The following DIP2C variants were observed in gnomAD, a reference collection of about 807,000 sequenced individuals.
DIP2C encodes the protein disco-interacting protein 2 homolog C.
A neutral mutation model predicts 192.4 loss-of-function variants in DIP2C; 33 were observed. The ratio of observed to expected loss-of-function variants is 0.17; its 90% CI spans 0.13 to 0.23. The LOEUF (loss-of-function observed/expected upper bound fraction) is 0.23, where lower values mean the gene tolerates loss of function less well. Ranked by LOEUF, DIP2C falls within the 10% of genes least tolerant of loss-of-function variation. The probability of loss-of-function intolerance (pLI) is 1.00; values close to 1 mark genes in which losing one functional copy is unlikely to be tolerated. For synonymous variants in DIP2C, 979 were observed against 864.1 expected (o/e 1.13, Z -2.33); for missense variants, 1,537 against 2,110.1 (o/e 0.73, Z 5.32).
At chr10:285,386 G>A (rs774959247) in intron 34 of DIP2C, among the ~76,000 whole-genome samples, 2 of 152,180 alleles carry the variant, frequency 1.3e-5, no homozygotes, top group Non-Finnish European at 2.9e-5. Flanking sequence ...AGGAAGGGGG[G>A]CGCCTCATGG....
intron 9 of DIP2C, among the ~76,000 whole-genome samples, chr10:407,775 G>A (rs1486587526): frequency 6.6e-6 from 1 of 151,976 alleles, no homozygotes; most frequent in Non-Finnish European, 1.5e-5. Context: ...TTTTGTTGTT[G>A]TTGCTTTTTT....
intron 2 of DIP2C, among the ~76,000 whole-genome samples, chr10:482,202 G>A (rs577244508): frequency 4.3e-4 from 65 of 152,314 alleles, no homozygotes; most frequent in Non-Finnish European, 6.8e-4. Flanking sequence ...GAGGGACAGC[G>A]GCGTGGCCAT....
At chr10:587,364 C>A (rs1048580975) in intron 1 of DIP2C, among the ~76,000 whole-genome samples, 2 of 152,224 alleles carry the variant, frequency 1.3e-5, no homozygotes, top group African/African-American at 4.8e-5. Flanking sequence ...TAACCGTGGC[C>A]ACCTCGTGGG....
At chr10:562,367 T>A (rs1849268020) in intron 1 of DIP2C, among the ~76,000 whole-genome samples, 2 of 152,238 alleles carry the variant, frequency 1.3e-5, no homozygotes, top group Admixed American at 6.5e-5. Flanking sequence ...GACCTTCTAG[T>A]GAATGAATCA....
intron 22 of DIP2C, among the ~76,000 whole-genome samples, chr10:360,053 G>A (rs1043935985): frequency 1.3e-5 from 2 of 152,204 alleles, no homozygotes; most frequent in East Asian, 3.8e-4. Flanking sequence ...TTCAGACTGG[G>A]GTAGGGAAAG....
chr10:526,000 ACCT>A (rs1847028898), intron 1 of DIP2C, among the ~76,000 whole-genome samples: 2 of 151,790 alleles, frequency 1.3e-5, no homozygotes, highest in African/African-American at 4.8e-5. Context: ...CCCGCACACC[ACCT>A]CCTTCTGCAA....
At chr10:281,459 CGTTT>C (rs1193967292) in intron 35 of DIP2C, 136 bp from the exon 36 acceptor site, 3 of 1,282,518 alleles carry the variant, frequency 2.3e-6, no homozygotes, top group Non-Finnish European at 1.0e-6. Context: ...GATCCAGGGA[CGTTT>C]GTTTCCTTCT....
chr10:386,357 A>C (rs755201349), intron 14 of DIP2C, among the ~76,000 whole-genome samples: 1 of 152,234 alleles, frequency 6.6e-6, no homozygotes. Flanking sequence ...CGCACGTCTG[A>C]CATGCCTGAG....
chr10:396,152 C>T (rs555877634), intron 10 of DIP2C, among the ~76,000 whole-genome samples: 11 of 152,346 alleles, frequency 7.2e-5, no homozygotes, highest in African/African-American at 2.4e-4. Flanking sequence ...TTGTTCAAAA[C>T]GTACGGTTTA....
intron 31 of DIP2C, among the ~76,000 whole-genome samples, chr10:312,108 C>T (rs890663314): frequency 1.3e-5 from 2 of 152,170 alleles, no homozygotes; most frequent in Non-Finnish European, 2.9e-5. Context: ...AAGAATCCAG[C>T]GCTGGGCTCT....
chr10:535,139 A>T (rs1026866639), intron 1 of DIP2C, among the ~76,000 whole-genome samples: 1 of 152,068 alleles, frequency 6.6e-6, no homozygotes, highest in African/African-American at 2.4e-5. Flanking sequence ...GGATCAGAGC[A>T]TCTCTCACAT....
chr10:600,279 C>T (rs816621), intron 1 of DIP2C, among the ~76,000 whole-genome samples: 108,333 of 152,074 alleles, frequency 0.71, 43,150 homozygotes, highest in South Asian at 0.88. Context: ...CCTTGCCCAG[C>T]TCATGTCAGG....
chr10:584,556 CT>C (rs1483456228), intron 1 of DIP2C, among the ~76,000 whole-genome samples: 6 of 133,062 alleles, frequency 4.5e-5, no homozygotes, highest in African/African-American at 1.4e-4. Context: ...CACCACCTCT[CT>C]AGTCTCGGGG....
intron 1 of DIP2C, among the ~76,000 whole-genome samples, chr10:613,603 G>C (rs1336659501): frequency 6.6e-6 from 1 of 152,232 alleles, no homozygotes; most frequent in African/African-American, 2.4e-5. Context: ...CTAATTCATG[G>C]TAATTGGGAT....
intron 1 of DIP2C, among the ~76,000 whole-genome samples, chr10:578,795 A>G (rs1850358027): frequency 7.0e-6 from 1 of 143,160 alleles, no homozygotes; most frequent in Non-Finnish European, 1.5e-5. Flanking sequence ...GCATAAGTGC[A>G]CTATAACATG....
At chr10:366,217 G>A in intron 19 of DIP2C, 58 bp downstream of exon 19, 1 of 1,594,638 alleles carries the variant, frequency 6.3e-7, no homozygotes. Context: ...CACCTGGCAA[G>A]GGCTCTTTGG....
At chr10:434,078 A>G (rs1189283050) in intron 4 of DIP2C, among the ~76,000 whole-genome samples, 1 of 152,178 alleles carries the variant, frequency 6.6e-6, no homozygotes, top group African/African-American at 2.4e-5. Flanking sequence ...GCACACTATA[A>G]AAACAAAATA....
intron 2 of DIP2C, among the ~76,000 whole-genome samples, chr10:474,827 C>A (rs999407433): frequency 6.6e-6 from 1 of 152,222 alleles, no homozygotes; most frequent in African/African-American, 2.4e-5. Flanking sequence ...CACTCTGATG[C>A]TATAATCCTT....
chr10:625,549 G>A (rs1238016653), intron 1 of DIP2C, among the ~76,000 whole-genome samples: 3 of 152,122 alleles, frequency 2.0e-5, no homozygotes, highest in South Asian at 2.1e-4. Flanking sequence ...GCCAGACAGC[G>A]TGACCGTCGC....
Sources: gnomAD v4.1 joint callset for allele counts (sites outside exome capture counted in the v4.1 genomes callset) on GRCh38, gnomAD v4.1.1 for gene constraint, MANE v1.5 for transcripts, NCBI Gene and HGNC (gene_info 2026-07-23, HGNC 2026-07-21) for gene names.